The following TADA2A variants were observed in gnomAD, a reference collection of about 807,000 sequenced individuals.
The protein encoded by TADA2A is transcriptional adaptor 2A.
TADA2A carries 38 observed loss-of-function variants against 67.4 expected under a neutral mutation model. The ratio of observed to expected loss-of-function variants is 0.56; its 90% CI spans 0.44 to 0.74. The LOEUF (loss-of-function observed/expected upper bound fraction) is 0.74, where lower values mean the gene tolerates loss of function less well. TADA2A is among the 30% of genes least tolerant of loss of function. The pLI is 0.00. For missense variants in TADA2A, 454 were observed against 547.0 expected (o/e 0.83, Z 1.70); for synonymous variants, 192 against 181.6 (o/e 1.06, Z -0.46).
At chr17:37,443,605 C>G (rs2052987352) in intron 7 of TADA2A, among the ~76,000 whole-genome samples, 1 of 152,218 alleles carries the variant, frequency 6.6e-6, no homozygotes, top group Non-Finnish European at 1.5e-5. Context: ...TGTACTGTAT[C>G]AGGGGTTGAC....
In TADA2A at chr17:37,437,719, A is replaced by C; in HGVS notation, c.193-19A>C. The C allele has an allele frequency of 1.2e-6, 2 of 1,612,886 alleles. No homozygotes were observed. The highest frequency in any genetic ancestry group is 1.7e-6 in the Non-Finnish European group (2 of 1,178,962). On this transcript the variant is annotated intron_variant, in intron 4 of 15. Transcript: ENST00000615182. ...TCCATTTGTATCTCTGTTCTTAAGC[A>C]AAACTTTTTTCTCCTTAGACTTCAG...
chr17:37,461,191 C>T (rs1000275790), intron 9 of TADA2A, among the ~76,000 whole-genome samples: 4 of 152,000 alleles, frequency 2.6e-5, no homozygotes. Flanking sequence ...ATCCTAGATC[C>T]TCCACGTGAG....
chr17:37,472,457 G>T (rs1006908468), intron 14 of TADA2A, among the ~76,000 whole-genome samples: 1 of 152,024 alleles, frequency 6.6e-6, no homozygotes, highest in Non-Finnish European at 1.5e-5. Context: ...TTGTTTTAGG[G>T]GAGTGGCTAA....
intron 13 of TADA2A, 111 bp downstream of exon 13, chr17:37,470,643 G>A: frequency 8.3e-7 from 1 of 1,210,644 alleles, no homozygotes; most frequent in Non-Finnish European, 1.1e-6. Context: ...GTAGCTGGAA[G>A]AATTCAGAAA....
chr17:37,454,705 C>G, intron 8 of TADA2A: 1 of 345,620 alleles, frequency 2.9e-6, no homozygotes, highest in South Asian at 3.1e-5. Flanking sequence ...GCTGAGCAGT[C>G]AAATTCCAGA....
chr17:37,422,175 A>G lies in TADA2A; in HGVS notation c.26-1334A>G, dbSNP rs578142492. Among the ~76,000 whole-genome samples the G allele has an allele frequency of 2.1e-5, 3 of 144,392 alleles. No individual in the cohort carries two copies. In the East Asian group the frequency reaches 6.8e-4, roughly 33 times the overall value. 94.7% of individuals were successfully genotyped at this position (144,392 alleles called of 152,430 possible). On this transcript the variant is annotated intron_variant, in intron 2 of 15. Transcript: ENST00000615182. The stretch of plus-strand genomic sequence containing the variant: ...ATTCCTCTGCCTCAGCCTCCTGAGT[A>G]GCTGGGATTACAGGTGTGCACCACC...
At chr17:37,438,443 T>C (rs2052798591) in intron 5 of TADA2A, among the ~76,000 whole-genome samples, 1 of 152,260 alleles carries the variant, frequency 6.6e-6, no homozygotes, top group Admixed American at 6.5e-5. Flanking sequence ...TTATTGAATA[T>C]ATTTTGTTCA....
chr17:37,437,217 AAGT>A (rs1202282295), intron 4 of TADA2A, among the ~76,000 whole-genome samples: 53 of 148,814 alleles, frequency 3.6e-4, no homozygotes, highest in African/African-American at 1.3e-3. Context: ...TCAGCCTCCC[AAGT>A]AGCTGGGACT....
chr17:37,469,185 G>A (rs2053731859), intron 12 of TADA2A, among the ~76,000 whole-genome samples: 1 of 151,836 alleles, frequency 6.6e-6, no homozygotes, highest in Non-Finnish European at 1.5e-5. Context: ...GGGATTACAG[G>A]TGTGAGCCAC....
At position 37,472,318 on chromosome 17, in the gene TADA2A, G is replaced by A. The variant is rs560611189; in HGVS notation, c.1072+1181G>A. Among the ~76,000 whole-genome samples, 4 of 151,862 alleles carry A rather than the reference G, an allele frequency of 2.6e-5. No individual in the cohort carries two copies. In the South Asian group the frequency reaches 6.2e-4, roughly 24 times the overall value. On this transcript the variant is annotated intron_variant, in intron 14 of 15. Transcript: ENST00000615182. ...TGACCTCAGGTGATCTGCCTGCCTC[G>A]GCCTCCCAAAGTGCTGGGATTACAG...
intron 11 of TADA2A, 108 bp downstream of exon 11, chr17:37,465,649 TTC>T (rs752359981): frequency 9.8e-6 from 15 of 1,529,770 alleles, no homozygotes; most frequent in South Asian, 2.5e-5. Context: ...AAATGGATAT[TTC>T]TCTCTTTGTT....
intron 5 of TADA2A, among the ~76,000 whole-genome samples, chr17:37,439,947 T>A (rs373255732): frequency 8.0e-5 from 2 of 24,896 alleles, no homozygotes; most frequent in African/African-American, 1.4e-4. Context: ...TATTTATTAT[T>A]TTTTTTTTTT....
chr17:37,460,487 C>T (rs572160407), intron 9 of TADA2A, among the ~76,000 whole-genome samples: 2 of 152,186 alleles, frequency 1.3e-5, no homozygotes, highest in South Asian at 2.1e-4. Flanking sequence ...TCAGGTGATC[C>T]GCCCACCTCA....
At chr17:37,431,199 A>G (rs958392383) in intron 4 of TADA2A, among the ~76,000 whole-genome samples, 4 of 152,094 alleles carry the variant, frequency 2.6e-5, no homozygotes, top group African/African-American at 4.8e-5. Flanking sequence ...TTGGTTATCT[A>G]TTGCTATGTA....
chr17:37,465,765 G>T, intron 11 of TADA2A: 1 of 660,334 alleles, frequency 1.5e-6, no homozygotes, highest in Non-Finnish European at 2.4e-6. Context: ...CAATAATTTA[G>T]TAGTTTTTCT....
intron 8 of TADA2A, among the ~76,000 whole-genome samples, chr17:37,449,317 G>A (rs565070055): frequency 7.2e-5 from 11 of 152,216 alleles, no homozygotes; most frequent in Admixed American, 3.3e-4. Flanking sequence ...CACCGTGCCC[G>A]GCCTGATTTC....
chr17:37,442,469 A>G, intron 6 of TADA2A, 95 bp from the exon 7 acceptor site: 1 of 959,540 alleles, frequency 1.0e-6, no homozygotes, highest in South Asian at 2.0e-5. Context: ...TTTTATAAAA[A>G]CCATTTTAAA....
chr17:37,432,153 A>G (rs1208396302), intron 4 of TADA2A, among the ~76,000 whole-genome samples: 1 of 149,074 alleles, frequency 6.7e-6, no homozygotes, highest in African/African-American at 2.5e-5. Context: ...TCTTTCACTC[A>G]GCTTTTTTAT....
At chr17:37,438,692 A>G (rs1296422071) in intron 5 of TADA2A, among the ~76,000 whole-genome samples, 1 of 152,226 alleles carries the variant, frequency 6.6e-6, no homozygotes, top group Non-Finnish European at 1.5e-5. Context: ...TAAGCATCAT[A>G]AAATACTGTG....
Sources: gnomAD v4.1 joint callset for allele counts (sites outside exome capture counted in the v4.1 genomes callset) on GRCh38, gnomAD v4.1.1 for gene constraint, MANE v1.5 for transcripts, NCBI Gene and HGNC (gene_info 2026-07-23, HGNC 2026-07-21) for gene names.